Variants in ARHGEF10L observed in about 807,000 individuals in gnomAD.
ARHGEF10L encodes Rho guanine nucleotide exchange factor 10 like.
ARHGEF10L carries 69 observed loss-of-function variants against 141.2 expected under a neutral mutation model. The observed-to-expected ratio is 0.49, with a 90% CI of 0.40 to 0.60. The LOEUF (loss-of-function observed/expected upper bound fraction) is 0.60, where lower values mean the gene tolerates loss of function less well. Ranked by LOEUF, ARHGEF10L falls within the 20% of genes least tolerant of loss-of-function variation. The pLI is 0.00. For synonymous variants in ARHGEF10L, 711 were observed against 718.5 expected, an observed-to-expected ratio of 0.99 and a Z score of 0.17; for missense variants, 1,482 against 1,734.3, an observed-to-expected ratio of 0.85 and a Z score of 2.58.
At position 17,696,170 on chromosome 1, in the gene ARHGEF10L, G is replaced by A. The variant is rs181805744; in HGVS notation, c.3308-678G>A. On this transcript the variant is annotated intron_variant, in intron 28 of 28. Transcript: ENST00000361221. Reference sequence around the variant, plus strand: ...GGAGGTTGCAGTGAGCCGAGATTGCGCCATTGCACTCCAGCCTGGGGGACA... The same window carrying A: ...GGAGGTTGCAGTGAGCCGAGATTGCACCATTGCACTCCAGCCTGGGGGACA... Among the ~76,000 whole-genome samples, 61 of 146,346 alleles carry A rather than the reference G, an allele frequency of 4.2e-4. No homozygotes were observed. In the South Asian group the frequency reaches 6.9e-3, roughly 17 times the overall value.
intron 1 of ARHGEF10L, among the ~76,000 whole-genome samples, chr1:17,563,436 T>A (rs1378287863): frequency 2.6e-5 from 4 of 152,074 alleles, no homozygotes; most frequent in Non-Finnish European, 5.9e-5. Context: ...GGTTTCCCCA[T>A]GTTGCCCGGG....
At chr1:17,640,129 A>T in intron 20 of ARHGEF10L, 73 bp from the exon 21 acceptor site, 1 of 1,540,846 alleles carries the variant, frequency 6.5e-7, no homozygotes, top group Non-Finnish European at 8.8e-7. Context: ...TGGAGGAAGT[A>T]CTACGTGACA....
chr1:17,676,364 C>CAGGTGTGGGTG, intron 26 of ARHGEF10L, among the ~76,000 whole-genome samples: 1 of 136,778 alleles, frequency 7.3e-6, no homozygotes, highest in South Asian at 2.4e-4. Context: ...GGTGTGGGTG[C>CAGGTGTGGGTG]AGGTGTGGGT....
In ARHGEF10L at chr1:17,697,235, G is replaced by T. The variant is rs748630782; in HGVS notation, c.3695G>T (p.Arg1232Leu). The change falls in exon 29 of 29, where the codon CGC becomes CTC. Residue 1232 changes from arginine (R) to leucine (L), a missense_variant. Arg to Leu is a moderately radical substitution (Grantham distance 102, BLOSUM62 -2). This residue lies in a region of ARHGEF10L where 858 missense variants were observed against 966.3 expected (regional missense o/e 0.89). Coordinates refer to ENST00000361221, the MANE Select transcript of ARHGEF10L (RefSeq NM_018125.4). This position sits in a 1 kb window ranked among gnomAD's most constrained non-coding sequence, Gnocchi z 4.8. Reference sequence around the variant, plus strand: ...CGGCCCTGCGCCCGCGACGCCCACCGCAAGGAGATTTGCTCTGTGGCCATC... The same window carrying T: ...CGGCCCTGCGCCCGCGACGCCCACCTCAAGGAGATTTGCTCTGTGGCCATC... ...RSRPCARDAH[R>L]KEICSVAIIS... The T allele has an allele frequency of 1.9e-6, 3 of 1,612,456 alleles. No individual in the cohort carries two copies. The highest frequency in any genetic ancestry group is 1.7e-5 in the Admixed American group (1 of 60,004).
chr1:17,595,834 G>C (rs965392933), intron 4 of ARHGEF10L, among the ~76,000 whole-genome samples: 1 of 152,168 alleles, frequency 6.6e-6, no homozygotes. Context: ...AGAACCCTGC[G>C]AGGGAGGTAG....
intron 26 of ARHGEF10L, among the ~76,000 whole-genome samples, chr1:17,686,393 G>A (rs1296729328): frequency 2.0e-5 from 3 of 152,188 alleles, no homozygotes; most frequent in Non-Finnish European, 4.4e-5. Flanking sequence ...AGGGCATGAG[G>A]CCCAGGCTCT....
chr1:17,586,177 G>A (rs1055103152), intron 2 of ARHGEF10L, among the ~76,000 whole-genome samples: 2 of 152,220 alleles, frequency 1.3e-5, no homozygotes, highest in African/African-American at 4.8e-5. Flanking sequence ...TACCAAGGCT[G>A]AGAAAACCTA....
At chr1:17,540,171 G>A (rs1192825850) in intron 1 of ARHGEF10L, among the ~76,000 whole-genome samples, 1 of 152,048 alleles carries the variant, frequency 6.6e-6, no homozygotes, top group Non-Finnish European at 1.5e-5. Flanking sequence ...TGTGTCACTG[G>A]AGTTCTGGTG....
chr1:17,528,052 A>G, the ARHGEF10L span, among the ~76,000 whole-genome samples: 1 of 151,582 alleles, frequency 6.6e-6, no homozygotes, highest in East Asian at 1.9e-4. Context: ...TATTTTTAGT[A>G]GAGATGAGGT....
At chr1:17,632,536 C>T (rs959501378) in intron 16 of ARHGEF10L, 70 bp downstream of exon 16, 16 of 1,596,290 alleles carry the variant, frequency 1.0e-5, no homozygotes, top group African/African-American at 2.7e-5. Context: ...ACTCCAGTCT[C>T]TTGGCCGGCC....
chr1:17,668,414 T>C (rs2063114422), intron 26 of ARHGEF10L, among the ~76,000 whole-genome samples: 1 of 152,250 alleles, frequency 6.6e-6, no homozygotes, highest in South Asian at 2.1e-4. Flanking sequence ...TCACCTGTTC[T>C]TGCCCCTTGC....
intron 21 of ARHGEF10L, among the ~76,000 whole-genome samples, chr1:17,643,218 A>G (rs2061419033): frequency 6.6e-6 from 1 of 152,232 alleles, no homozygotes; most frequent in Non-Finnish European, 1.5e-5. Flanking sequence ...ACATTTATTC[A>G]CAAAGGCTGT....
At chr1:17,536,768 A>G (rs1007507503), upstream of ARHGEF10L, among the ~76,000 whole-genome samples, 2 of 152,164 alleles carry the variant, frequency 1.3e-5, no homozygotes, top group African/African-American at 4.8e-5. Context: ...AGCTGTGTCT[A>G]AAGGGCCACC....
rs2080885913 is a variant in ARHGEF10L, at chr1:17,603,480, G to A, written c.350-28G>A. On this transcript the variant is annotated intron_variant, in intron 5 of 28. Transcript: ENST00000361221. This position sits in a 1 kb window ranked among gnomAD's most constrained non-coding sequence, Gnocchi z 4.8. ...GGCCAGGCTGCCACAGCCCACGGTG[G>A]TGCTCTCTCTCCCCACTTCCCTCCC... 6.2e-7 allele frequency: 1 copy of A among 1,603,540 alleles called. No individual in the cohort carries two copies. Among genetic ancestry groups the A allele is most frequent in the Non-Finnish European group, 8.5e-7 (1 of 1,173,012 alleles).
intron 1 of ARHGEF10L, among the ~76,000 whole-genome samples, chr1:17,568,899 C>G (rs1420313583): frequency 2.0e-5 from 3 of 152,142 alleles, no homozygotes; most frequent in Non-Finnish European, 2.9e-5. Context: ...TCTCCCTCCC[C>G]CAACACCTCC....
At chr1:17,543,707 G>A (rs2076813259) in intron 1 of ARHGEF10L, among the ~76,000 whole-genome samples, 1 of 151,654 alleles carries the variant, frequency 6.6e-6, no homozygotes, top group African/African-American at 2.4e-5. Context: ...GAGTGAAATG[G>A]TACAATCTTA....
In ARHGEF10L at chr1:17,623,971, G is replaced by A. The variant is rs970019228; in HGVS notation, c.1201-416G>A. ...TAACTCAACTCTGGGCACGCTGCCC[G>A]GTGAGAGGCCAGGAGCACTTTCCTT... On this transcript the variant is annotated intron_variant, in intron 12 of 28. Transcript: ENST00000361221. The surrounding 1 kb of genome is among the most constrained non-coding windows in gnomAD (Gnocchi z 4.7). Among the ~76,000 whole-genome samples, 4 of 152,148 alleles carry A rather than the reference G, an allele frequency of 2.6e-5. No individual in the cohort carries two copies. The highest frequency in any genetic ancestry group is 5.9e-5 in the Non-Finnish European group (4 of 68,028).
chr1:17,566,896 T>C (rs1294806600), intron 1 of ARHGEF10L, among the ~76,000 whole-genome samples: 1 of 151,998 alleles, frequency 6.6e-6, no homozygotes, highest in East Asian at 1.9e-4. Flanking sequence ...TGCCAAGGGA[T>C]GCAGACTGGC....
rs143373777 is a variant in ARHGEF10L, at chr1:17,671,961, G to C, written c.3009+7366G>C. Among the ~76,000 whole-genome samples the C allele has an allele frequency of 5.9e-5, 9 of 152,326 alleles. No homozygotes were observed. In the East Asian group the frequency reaches 1.2e-3, roughly 20 times the overall value. On this transcript the variant is annotated intron_variant, in intron 26 of 28. Coordinates refer to ENST00000361221, the MANE Select transcript of ARHGEF10L (RefSeq NM_018125.4). ...TGTAATGTTTCCCCAAGTGGGGGGT[G>C]GGGGCATTGCAGAGCAGCTGACCGA... is the stretch of plus-strand genomic sequence containing the variant.
Sources: gnomAD v4.1 joint callset for allele counts (sites outside exome capture counted in the v4.1 genomes callset) on GRCh38, gnomAD v4.1.1 for gene constraint, gnomAD v4.1.1 regional missense constraint, Gnocchi (gnomAD v3.1) non-coding constraint, MANE v1.5 for transcripts, NCBI Gene and HGNC (gene_info 2026-07-23, HGNC 2026-07-21) for gene names.